Variants in RNF125 observed in about 807,000 individuals in gnomAD.
RNF125 encodes the protein E3 ubiquitin-protein ligase RNF125.
RNF125 carries 21 observed loss-of-function variants against 26.0 expected under a neutral mutation model. The observed-to-expected ratio is 0.81, with a 90% CI of 0.57 to 1.16. The LOEUF (loss-of-function observed/expected upper bound fraction) is 1.16. Among genes scored for constraint, RNF125 ranks in the 50% most tolerant of loss-of-function variants. The pLI, the probability that RNF125 is intolerant of heterozygous loss-of-function variation, is 0.00. For synonymous variants in RNF125, 95 were observed against 109.2 expected (o/e 0.87, Z 0.81); for missense variants, 270 against 299.4 (o/e 0.90, Z 0.72).
downstream of RNF125, chr18:32,075,951 G>T: frequency 1.3e-6 from 2 of 1,522,770 alleles, no homozygotes; most frequent in Non-Finnish European, 1.8e-6. Flanking sequence ...GGTCCATGAT[G>T]CCAGCTGAGG....
At chr18:32,047,804 T>G (rs992437955) in intron 4 of RNF125, among the ~76,000 whole-genome samples, 1 of 151,902 alleles carries the variant, frequency 6.6e-6, no homozygotes. Context: ...AGATAGATAA[T>G]GGATAGAAAT....
chr18:32,046,325 G>T (rs2039271177), intron 4 of RNF125, among the ~76,000 whole-genome samples: 1 of 151,782 alleles, frequency 6.6e-6, no homozygotes, highest in Non-Finnish European at 1.5e-5. Context: ...GGCTGGGCGT[G>T]GTGGCTCACA....
Position 32,065,931 on chromosome 18 carries a change from T to A in RNF125, c.534T>A (p.Asp178Glu). The A allele has an allele frequency of 6.2e-7, 1 of 1,613,608 alleles. No individual in the cohort carries two copies. The highest frequency in any genetic ancestry group is 8.5e-7 in the Non-Finnish European group (1 of 1,179,518). ...GTCCACTTTGCCGTTTAATACCCGATGAGAATCCAAGCAGCTTCAGTGGCA... is the reference window on the plus strand; with the variant it reads ...GTCCACTTTGCCGTTTAATACCCGAAGAGAATCCAAGCAGCTTCAGTGGCA... ...VFCPLCRLIPDENPSSFSGSL... is the reference protein window; with the variant it reads ...VFCPLCRLIPEENPSSFSGSL... Residue 178 changes from aspartate (D) to glutamate (E), a missense_variant, in exon 5 of 6, where the codon GAT (aspartate) becomes GAA (glutamate). Physicochemically the swap from Asp to Glu is conservative, Grantham distance 45. Coordinates refer to ENST00000217740, the MANE Select transcript of RNF125 (RefSeq NM_017831.4).
intron 1 of RNF125, among the ~76,000 whole-genome samples, chr18:32,026,374 G>A (rs1377156671): frequency 1.3e-5 from 2 of 149,094 alleles, no homozygotes; most frequent in East Asian, 2.0e-4. Context: ...TCAGCATCCC[G>A]AGTAGCTGGG....
At chr18:32,043,624 G>A (rs1293605493) in intron 3 of RNF125, among the ~76,000 whole-genome samples, 1 of 152,162 alleles carries the variant, frequency 6.6e-6, no homozygotes, top group Non-Finnish European at 1.5e-5. Context: ...TTGAGAAAGT[G>A]TATGGGTTTG....
At chr18:32,050,367 C>T (rs768652207) in intron 4 of RNF125, among the ~76,000 whole-genome samples, 1 of 152,226 alleles carries the variant, frequency 6.6e-6, no homozygotes, top group Admixed American at 6.5e-5. Context: ...TCACCCAGGC[C>T]GGACCGCAGT....
chr18:32,043,887 G>A (rs764125074), intron 3 of RNF125, among the ~76,000 whole-genome samples: 9 of 152,032 alleles, frequency 5.9e-5, no homozygotes, highest in Non-Finnish European at 1.3e-4. Context: ...TACAAGTTTT[G>A]GGGGACAAGA....
intron 2 of RNF125, among the ~76,000 whole-genome samples, chr18:32,038,708 C>T (rs905880580): frequency 6.6e-6 from 1 of 152,124 alleles, no homozygotes; most frequent in African/African-American, 2.4e-5. Flanking sequence ...ATCTTAAATG[C>T]AATAGTAAGC....
chr18:32,035,439 A>T (rs1256977395), intron 1 of RNF125, among the ~76,000 whole-genome samples: 1 of 152,152 alleles, frequency 6.6e-6, no homozygotes, highest in Non-Finnish European at 1.5e-5. Flanking sequence ...GAAGAAGAAG[A>T]ATTGTTTGGA....
rs1489566297 is a variant in RNF125, at chr18:32,068,398, A to G, written c.*14A>G. 2 of 1,423,460 alleles carry G rather than the reference A, an allele frequency of 1.4e-6. No homozygotes were observed. Among genetic ancestry groups the G allele is most frequent in the African/African-American group, 1.4e-5 (1 of 71,146 alleles). 88.2% of individuals were successfully genotyped at this position (1,423,460 alleles called of 1,614,324 possible). On this transcript the variant is annotated 3_prime_UTR_variant, in exon 6 of 6. Transcript: ENST00000217740. ...AACACCACATAATTTTATTAAAACGAAGGGAAAAGGGACCACTGAATTGCA... is the reference window on the plus strand; with the variant it reads ...AACACCACATAATTTTATTAAAACGGAGGGAAAAGGGACCACTGAATTGCA...
At chr18:32,067,553 CGTGAA>C (rs1332139094) in intron 5 of RNF125, among the ~76,000 whole-genome samples, 1 of 152,116 alleles carries the variant, frequency 6.6e-6, no homozygotes, top group Admixed American at 6.6e-5. Context: ...TAGCAACTTC[CGTGAA>C]GTGAATACTG....
At chr18:32,082,693 G>T in the RNF125 span, among the ~76,000 whole-genome samples, 748 of 152,254 alleles carry the variant, frequency 4.9e-3, 5 homozygotes, top group African/African-American at 0.017. Context: ...TTTGGTGTTT[G>T]CTTTTAGGAA....
intron 2 of RNF125, among the ~76,000 whole-genome samples, chr18:32,041,413 T>C (rs2039215540): frequency 6.6e-6 from 1 of 152,158 alleles, no homozygotes; most frequent in African/African-American, 2.4e-5. Context: ...TGGGCACCTC[T>C]AAAATGTATC....
At chr18:32,037,314 C>T (rs560293992) in intron 2 of RNF125, 45 bp downstream of exon 2, 6 of 1,324,706 alleles carry the variant, frequency 4.5e-6, no homozygotes, top group Non-Finnish European at 6.1e-6. Flanking sequence ...CAGCTTAAGT[C>T]CCTGCGAAAG....
downstream of RNF125, among the ~76,000 whole-genome samples, chr18:32,075,645 A>C (rs1052496162): frequency 7.2e-6 from 1 of 138,344 alleles, no homozygotes; most frequent in Non-Finnish European, 1.5e-5. Context: ...GTGAGCCGAA[A>C]TTGTGCCATT....
At chr18:32,050,278 A>G (rs907157648) in intron 4 of RNF125, among the ~76,000 whole-genome samples, 1 of 152,170 alleles carries the variant, frequency 6.6e-6, no homozygotes, top group Non-Finnish European at 1.5e-5. Context: ...TTAAGAGCCA[A>G]TAGCTCCTTT....
At chr18:32,077,215 A>G (rs2039575927), downstream of RNF125, among the ~76,000 whole-genome samples, 1 of 152,100 alleles carries the variant, frequency 6.6e-6, no homozygotes, top group Non-Finnish European at 1.5e-5. Context: ...AACATCCAGC[A>G]TGAAGTAGAA....
chr18:32,039,413 G>A (rs75259686), intron 2 of RNF125, among the ~76,000 whole-genome samples: 1,594 of 152,064 alleles, frequency 0.01, 31 homozygotes, highest in African/African-American at 0.037. Flanking sequence ...GAGGAGCTGG[G>A]GAGAGGATCA....
At chr18:32,074,882 G>A (rs2039559468), downstream of RNF125, among the ~76,000 whole-genome samples, 1 of 152,126 alleles carries the variant, frequency 6.6e-6, no homozygotes, top group South Asian at 2.1e-4. Flanking sequence ...CTTAAAGTTT[G>A]GGATTATTTT....
Sources: allele counts gnomAD v4.1 joint callset (sites outside exome capture counted in the v4.1 genomes callset), GRCh38; gene constraint gnomAD v4.1.1; transcripts MANE v1.5; gene names NCBI Gene and HGNC (gene_info 2026-07-23, HGNC 2026-07-21).